The following CELSR1 variants were observed in gnomAD, a reference collection of about 807,000 sequenced individuals.
CELSR1 encodes the protein cadherin EGF LAG seven-pass G-type receptor 1.
CELSR1 carries 110 observed loss-of-function variants against 249.1 expected under a neutral mutation model. That is an observed-to-expected ratio of 0.44 (90% CI 0.38 to 0.52). CELSR1 has a LOEUF of 0.52. Among genes scored for constraint, CELSR1 ranks in the 20% least tolerant of loss-of-function variants. CELSR1 has a pLI of 0.00. For missense variants in CELSR1, 4,109 were observed against 4,296.4 expected (o/e 0.96, Z 1.22); for synonymous variants, 2,113 against 1,900.0 (o/e 1.11, Z -2.92).
chr22:46,536,494 C>T lies in CELSR1; in HGVS notation c.677G>A (p.Arg226Gln). Residue 226 changes from arginine (R) to glutamine (Q), a missense_variant, in exon 1 of 35, where the codon CGG becomes CAG. Around this residue, in one of 7 missense-constraint regions of CELSR1, gnomAD observed 673 missense variants for 636.8 expected, o/e 1.06. Transcript: ENST00000674500. ...PPLPPNLPEA[R>Q]AGPARRARRG... ...CCGGGCCCGTCGCGCCGGCCCCGCC[C>T]GGGCTTCGGGCAAGTTCGGCGGCAG... The T allele has an allele frequency of 1.3e-6, 2 of 1,574,468 alleles. No individual in the cohort carries two copies. Among genetic ancestry groups the T allele is most frequent in the South Asian group, 1.1e-5 (1 of 87,786 alleles).
At chr22:46,400,650 A>C (rs892425791) in intron 9 of CELSR1, among the ~76,000 whole-genome samples, 2 of 152,100 alleles carry the variant, frequency 1.3e-5, no homozygotes, top group South Asian at 2.1e-4. Flanking sequence ...TCAAAATAAT[A>C]ATCATCATTA....
chr22:46,486,087 G>T (rs78078083), intron 1 of CELSR1, among the ~76,000 whole-genome samples: 54,477 of 151,052 alleles, frequency 0.36, 9,898 homozygotes, highest in African/African-American at 0.39. Context: ...ACAGGAGCCC[G>T]CCACCTTGCC....
intron 1 of CELSR1, among the ~76,000 whole-genome samples, chr22:46,504,514 A>AAC (rs1555932489): frequency 3.3e-5 from 3 of 90,710 alleles, no homozygotes; most frequent in African/African-American, 1.1e-4. Flanking sequence ...CAAAAAAAAA[A>AAC]AAAAAACAAA....
At chr22:46,459,758 G>A (rs922867987) in intron 2 of CELSR1, among the ~76,000 whole-genome samples, 5 of 152,198 alleles carry the variant, frequency 3.3e-5, no homozygotes, top group Admixed American at 2.6e-4. Context: ...ACCCCTAGTG[G>A]AGAACCACTG....
chr22:46,432,979 A>C (rs2079613073), intron 5 of CELSR1, among the ~76,000 whole-genome samples: 1 of 152,122 alleles, frequency 6.6e-6, no homozygotes, highest in Admixed American at 6.5e-5. Flanking sequence ...TTAAAAAAAA[A>C]TTCAGAGCAC....
At position 46,536,460 on chromosome 22, in the gene CELSR1, C is replaced by T. The variant is rs1418686213; in HGVS notation, c.711G>A (p.Thr237=). 2.5e-6 allele frequency: 4 copies of T among 1,608,934 alleles called. No homozygotes were observed. Among genetic ancestry groups the T allele is most frequent in the Non-Finnish European group, 3.4e-6 (4 of 1,178,330 alleles). Residue 237 remains threonine, a synonymous_variant, in exon 1 of 35, where the codon ACG becomes ACA. Transcript: ENST00000674500. The part of the protein sequence containing the change: ...AGPARRARRG[T]SGRGSLKFPM... ...GAAACTTCAGGCTCCCTCTGCCGCT[C>T]GTGCCCCGCCGGGCCCGTCGCGCCG... is the stretch of plus-strand genomic sequence containing the variant.
Position 46,408,826 on chromosome 22 carries a change from G to C in CELSR1, c.5226+170C>G, listed in dbSNP as rs1263665602. On this transcript the variant is annotated intron_variant, in intron 9 of 34. Transcript: ENST00000674500. The surrounding 1 kb of genome is among the most constrained non-coding windows in gnomAD (Gnocchi z 4.6). The stretch of plus-strand genomic sequence containing the variant: ...CCCTCGCTGTCTCCGCCTCCCAGAG[G>C]AAAGAAAGGGCTGATATTCCCCTTC... Among the ~76,000 whole-genome samples, 2 of 152,238 alleles carry C rather than the reference G, an allele frequency of 1.3e-5. No individual in the cohort carries two copies. Among genetic ancestry groups the C allele is most frequent in the Admixed American group, 1.3e-4 (2 of 15,290 alleles).
At position 46,370,218 on chromosome 22, in the gene CELSR1, C is replaced by A. The variant is rs972107782; in HGVS notation, c.7760-414G>T. ...AGGTGCAAGGGATGAGGCTCCAAAA[C>A]AGATGGAGGACGGCGTCACCTACAG... On this transcript the variant is annotated intron_variant, in intron 25 of 34. Transcript: ENST00000674500. 23 of 447,830 alleles carry A rather than the reference C, an allele frequency of 5.1e-5. No homozygotes were observed. The East Asian group carries it at 1.5e-3, about 30-fold the overall frequency. The allele number at this position is 447,830 out of a possible 1,614,324, so 27.7% of individuals were successfully genotyped here.
At chr22:46,378,785 GC>G in intron 22 of CELSR1, 68 bp from the exon 23 acceptor site, 1 of 1,553,132 alleles carries the variant, frequency 6.4e-7, no homozygotes, top group East Asian at 2.3e-5. Context: ...GTAAAGGGCA[GC>G]CTTTGCCCAG....
At chr22:46,389,767 ATACTC>A (rs754271650) in intron 17 of CELSR1, among the ~76,000 whole-genome samples, 13 of 151,904 alleles carry the variant, frequency 8.6e-5, no homozygotes, top group Non-Finnish European at 1.8e-4. Context: ...TATTTTGAAA[ATACTC>A]TACTCTATGT....
chr22:46,533,575 C>A, intron 1 of CELSR1, 52 bp downstream of exon 1: 3 of 1,506,584 alleles, frequency 2.0e-6, no homozygotes, highest in South Asian at 1.3e-5. Context: ...GTTCCTGAGG[C>A]TCTCCAGGAG....
In CELSR1 at chr22:46,362,806, T is replaced by C; in HGVS notation, c.*417A>G. The C allele has an allele frequency of 3.6e-6, 1 of 279,054 alleles. No homozygotes were observed. The highest frequency in any genetic ancestry group is 6.8e-6 in the Non-Finnish European group (1 of 147,128). 17.3% of individuals were successfully genotyped at this position (279,054 alleles called of 1,614,324 possible). A position where few individuals can be genotyped will look rare whatever the true frequency, so the allele number is the denominator to read the frequency against. ...TGCCAGCCACGGGTCCGCACTGCCA[T>C]GAGATGCCCGCCTGGGCGGGGCTGG... On this transcript the variant is annotated 3_prime_UTR_variant, in exon 35 of 35. Coordinates refer to ENST00000674500, the MANE Select transcript of CELSR1 (RefSeq NM_001378328.1).
At chr22:46,480,179 C>T (rs570465394) in intron 1 of CELSR1, among the ~76,000 whole-genome samples, 32 of 152,340 alleles carry the variant, frequency 2.1e-4, no homozygotes, top group African/African-American at 6.7e-4. Context: ...CGTTTTGCTA[C>T]ACACAGCCTC....
intron 1 of CELSR1, chr22:46,481,290 A>G: frequency 1.9e-6 from 1 of 514,630 alleles, no homozygotes. Flanking sequence ...AAAATACATT[A>G]TTGCCCTCAG....
At chr22:46,377,665 A>G (rs2078933537) in intron 23 of CELSR1, 1 of 253,960 alleles carries the variant, frequency 3.9e-6, no homozygotes, top group Non-Finnish European at 7.8e-6. Flanking sequence ...CCCCGCCCAC[A>G]TATGAACAAA....
intron 20 of CELSR1, among the ~76,000 whole-genome samples, chr22:46,382,614 C>T (rs1002702789): frequency 6.6e-6 from 1 of 152,136 alleles, no homozygotes; most frequent in African/African-American, 2.4e-5. Flanking sequence ...CACAGCAGCA[C>T]CATTCACACA....
intron 33 of CELSR1, 124 bp downstream of exon 33, chr22:46,364,388 C>A: frequency 6.7e-7 from 1 of 1,488,954 alleles, no homozygotes. Flanking sequence ...GCCAGGAGGC[C>A]ACGTCTGTTC....
chr22:46,410,670 G>A lies in CELSR1; in HGVS notation c.4770-109C>T. 8.6e-7 allele frequency: 1 copy of A among 1,164,334 alleles called. No individual in the cohort carries two copies. Among genetic ancestry groups the A allele is most frequent in the Non-Finnish European group, 1.2e-6 (1 of 821,184 alleles). 72.1% of individuals were successfully genotyped at this position (1,164,334 alleles called of 1,614,324 possible). A position where few individuals can be genotyped will look rare whatever the true frequency, so the allele number is the denominator to read the frequency against. The stretch of plus-strand genomic sequence containing the variant: ...AGCCTCTACCACCATAACTACTTCA[G>A]AAACCAAGCAGACAGGCGGGGAGAG... On this transcript the variant is annotated intron_variant, in intron 6 of 34. Coordinates refer to ENST00000674500, the MANE Select transcript of CELSR1 (RefSeq NM_001378328.1). This position sits in a 1 kb window ranked among gnomAD's most constrained non-coding sequence, Gnocchi z 6.8.
intron 1 of CELSR1, among the ~76,000 whole-genome samples, chr22:46,511,888 C>T (rs1434821973): frequency 3.9e-5 from 6 of 152,182 alleles, no homozygotes; most frequent in East Asian, 1.9e-4. Flanking sequence ...CACAATGACC[C>T]GCCTCTCTGC....
Sources: allele counts gnomAD v4.1 joint callset (sites outside exome capture counted in the v4.1 genomes callset), GRCh38; gene constraint gnomAD v4.1.1; regional missense constraint gnomAD v4.1.1; non-coding constraint Gnocchi (gnomAD v3.1); transcripts MANE v1.5; gene names NCBI Gene and HGNC (gene_info 2026-07-23, HGNC 2026-07-21).